The following AIG1 variants were observed in gnomAD, a reference collection of about 807,000 sequenced individuals.
AIG1 encodes androgen induced 1.
AIG1 carries 23 observed loss-of-function variants against 31.4 expected under a neutral mutation model. The ratio of observed to expected loss-of-function variants is 0.73; its 90% CI spans 0.53 to 1.04. The LOEUF is 1.04. AIG1 is among the 50% of genes least tolerant of loss of function. AIG1 has a pLI of 0.00. For synonymous variants in AIG1, 100 were observed against 110.5 expected (o/e 0.90, Z 0.60); for missense variants, 274 against 295.0 (o/e 0.93, Z 0.52).
At chr6:143,075,921 C>A (rs1305125319) in intron 1 of AIG1, among the ~76,000 whole-genome samples, 2 of 152,126 alleles carry the variant, frequency 1.3e-5, no homozygotes, top group South Asian at 4.1e-4. Context: ...AATTACATTA[C>A]AATCAGAGAT....
rs531534036 is a variant in AIG1, at chr6:143,061,758, C to T, written c.141+692C>T. On this transcript the variant is annotated intron_variant, in intron 1 of 5. Transcript: ENST00000357847. ...TTTGCATAAGCAGCTCCTCTGTTGG[C>T]ACAATATGATAATCTTGACAGGTGC... 1.8e-4 allele frequency among the ~76,000 whole-genome samples: 28 copies of T among 152,302 alleles called. 1 individual carries two copies. The South Asian group carries it at 4.6e-3, about 25-fold the overall frequency.
In AIG1 at chr6:143,099,297, T is replaced by C. The variant is rs184824901; in HGVS notation, c.142-37538T>C. Among the ~76,000 whole-genome samples, 307 of 152,334 alleles carry C rather than the reference T, an allele frequency of 2.0e-3. 3 individuals are homozygous for C. Among genetic ancestry groups the C allele is most frequent in the Non-Finnish European group, 5.0e-4 (34 of 68,028 alleles). ...AGATCAAAGAGCTTTCAAATGAGTT[T>C]CTAACTAACAATGTAGATACTCTGT... is the stretch of plus-strand genomic sequence containing the variant. On this transcript the variant is annotated intron_variant, in intron 1 of 5. Coordinates refer to ENST00000357847, the MANE Select transcript of AIG1 (RefSeq NM_016108.4).
intron 3 of AIG1, among the ~76,000 whole-genome samples, chr6:143,173,736 G>T (rs530612331): frequency 7.2e-5 from 11 of 152,212 alleles, no homozygotes; most frequent in African/African-American, 2.4e-4. Context: ...TTATTCCACT[G>T]TGGCCTGAGA....
At position 143,325,860 on chromosome 6, in the gene AIG1, G is replaced by A. The variant is rs997148958; in HGVS notation, c.516-7422G>A. Among the ~76,000 whole-genome samples, 3 of 152,146 alleles carry A rather than the reference G, an allele frequency of 2.0e-5. No individual in the cohort carries two copies. The highest frequency in any genetic ancestry group is 7.2e-5 in the African/African-American group (3 of 41,426). The stretch of plus-strand genomic sequence containing the variant: ...CTGACAAATGTTTAACAACCAGCTA[G>A]GTCTTCTGGAGGCAAGGGAGGGAAT... On this transcript the variant is annotated intron_variant, in intron 4 of 5. Transcript: ENST00000357847. This position sits in a 1 kb window ranked among gnomAD's most constrained non-coding sequence, Gnocchi z 4.3.
At chr6:143,138,665 G>A (rs533658994) in intron 2 of AIG1, among the ~76,000 whole-genome samples, 22 of 152,038 alleles carry the variant, frequency 1.4e-4, no homozygotes, top group South Asian at 8.3e-4. Flanking sequence ...AGGCCGAGGC[G>A]GGCAGATCAT....
At chr6:143,205,312 G>A (rs758090256) in intron 3 of AIG1, among the ~76,000 whole-genome samples, 1 of 152,174 alleles carries the variant, frequency 6.6e-6, no homozygotes, top group African/African-American at 2.4e-5. Flanking sequence ...GAAAAACAGA[G>A]CTGTATGAGG....
intron 3 of AIG1, among the ~76,000 whole-genome samples, chr6:143,182,824 A>G (rs533671126): frequency 6.6e-6 from 1 of 152,332 alleles, no homozygotes; most frequent in South Asian, 2.1e-4. Context: ...CCTTATCAAT[A>G]TATGTCCATG....
chr6:143,224,867 C>T (rs9496539), intron 3 of AIG1, among the ~76,000 whole-genome samples: 1,933 of 152,172 alleles, frequency 0.013, 47 homozygotes, highest in African/African-American at 0.044. Flanking sequence ...CCATTTTTCC[C>T]GTCTAATAGA....
chr6:143,102,341 A>C (rs1046668393), intron 1 of AIG1, among the ~76,000 whole-genome samples: 51 of 151,054 alleles, frequency 3.4e-4, no homozygotes, highest in African/African-American at 1.1e-3. Context: ...AACAAAAAAA[A>C]CACCTATTGT....
chr6:143,185,073 G>A (rs1789120718), intron 3 of AIG1, among the ~76,000 whole-genome samples: 1 of 151,980 alleles, frequency 6.6e-6, no homozygotes, highest in Non-Finnish European at 1.5e-5. Flanking sequence ...GTGCACGCCT[G>A]TAGTCCCACC....
intron 3 of AIG1, among the ~76,000 whole-genome samples, chr6:143,239,787 G>C (rs913050042): frequency 6.6e-6 from 1 of 152,194 alleles, no homozygotes; most frequent in Non-Finnish European, 1.5e-5. Flanking sequence ...GTTGGGCAGA[G>C]GGTGGCCTAT....
chr6:143,243,730 C>A (rs916352003), intron 3 of AIG1, among the ~76,000 whole-genome samples: 1 of 152,162 alleles, frequency 6.6e-6, no homozygotes, highest in Non-Finnish European at 1.5e-5. Context: ...CTCTGTGTTG[C>A]CACCTGGTTA....
chr6:143,137,112 C>T lies in AIG1; in HGVS notation c.297+122C>T, dbSNP rs1419138738. 9.4e-6 allele frequency: 10 copies of T among 1,068,080 alleles called. No homozygotes were observed. The Admixed American group carries it at 1.8e-4, about 19-fold the overall frequency. 66.2% of individuals were successfully genotyped at this position (1,068,080 alleles called of 1,614,324 possible). A position where few individuals can be genotyped will look rare whatever the true frequency, so the allele number is the denominator to read the frequency against. ...TGTATTATTAGTTTGCTGGAGCTGT[C>T]AGTACCACAGATGCGGTGGCTTAAA... On this transcript the variant is annotated intron_variant, in intron 2 of 5. Coordinates refer to ENST00000357847, the MANE Select transcript of AIG1 (RefSeq NM_016108.4).
intron 3 of AIG1, among the ~76,000 whole-genome samples, chr6:143,207,856 A>T (rs903392870): frequency 1.3e-5 from 2 of 152,306 alleles, no homozygotes; most frequent in Admixed American, 1.3e-4. Flanking sequence ...ATTGACAGAC[A>T]TAATTCATTT....
intron 4 of AIG1, among the ~76,000 whole-genome samples, chr6:143,310,575 A>C (rs1283655422): frequency 6.6e-6 from 1 of 151,640 alleles, no homozygotes; most frequent in Non-Finnish European, 1.5e-5. Flanking sequence ...GGAACAATTT[A>C]AGTCAAAAGT....
intron 2 of AIG1, among the ~76,000 whole-genome samples, chr6:143,147,043 A>AC (rs1379411173): frequency 6.6e-6 from 1 of 152,084 alleles, no homozygotes; most frequent in Non-Finnish European, 1.5e-5. Context: ...TCTCCTAAGC[A>AC]CCCCTGAAGA....
At chr6:143,252,391 G>T (rs1795071319) in intron 3 of AIG1, among the ~76,000 whole-genome samples, 1 of 152,164 alleles carries the variant, frequency 6.6e-6, no homozygotes, top group Non-Finnish European at 1.5e-5. Flanking sequence ...AAAGTGCTGG[G>T]ATTACAGACG....
At chr6:143,212,493 C>T (rs1240301753) in intron 3 of AIG1, among the ~76,000 whole-genome samples, 1 of 152,212 alleles carries the variant, frequency 6.6e-6, no homozygotes, top group Non-Finnish European at 1.5e-5. Flanking sequence ...TTCTACCTCA[C>T]TCTTAGAACA....
intron 3 of AIG1, among the ~76,000 whole-genome samples, chr6:143,220,858 A>G (rs763900372): frequency 6.6e-6 from 1 of 152,182 alleles, no homozygotes; most frequent in Non-Finnish European, 1.5e-5. Context: ...GCTAAAATCT[A>G]CCACTATGCA....
Sources: gnomAD v4.1 joint callset for allele counts (sites outside exome capture counted in the v4.1 genomes callset) on GRCh38, gnomAD v4.1.1 for gene constraint, Gnocchi (gnomAD v3.1) non-coding constraint, MANE v1.5 for transcripts, NCBI Gene and HGNC (gene_info 2026-07-23, HGNC 2026-07-21) for gene names.